The following GLTP variants were observed in gnomAD, a reference collection of about 807,000 sequenced individuals.
The protein encoded by GLTP is glycolipid transfer protein.
Under a neutral mutation model 24.0 loss-of-function variants are expected in GLTP, and 22 were observed. That is an observed-to-expected ratio of 0.92 (90% CI 0.65 to 1.31). The LOEUF is 1.31. Among genes scored for constraint, GLTP ranks in the 50% most tolerant of loss-of-function variants. The pLI, the probability that GLTP is intolerant of heterozygous loss-of-function variation, is 0.00. For synonymous variants in GLTP, 92 were observed against 115.9 expected, an observed-to-expected ratio of 0.79 and a Z score of 1.33; for missense variants, 224 against 276.6, an observed-to-expected ratio of 0.81 and a Z score of 1.35.
intron 1 of GLTP, among the ~76,000 whole-genome samples, chr12:109,859,596 C>CA (rs754345142): frequency 9.1e-6 from 1 of 109,596 alleles, no homozygotes; most frequent in Middle Eastern, 4.6e-3. Context: ...CTGTTTTTAA[C>CA]AAAAAAGATT....
chr12:109,874,851 C>T (rs945014640), intron 1 of GLTP, among the ~76,000 whole-genome samples: 2 of 152,180 alleles, frequency 1.3e-5, no homozygotes, highest in Non-Finnish European at 2.9e-5. Flanking sequence ...CCTCCGCCTC[C>T]CAGGTTCAAG....
At chr12:109,866,930 T>G (rs1267537262) in intron 1 of GLTP, among the ~76,000 whole-genome samples, 4 of 148,098 alleles carry the variant, frequency 2.7e-5, no homozygotes, top group Non-Finnish European at 6.0e-5. Context: ...GGGCTAATTT[T>G]TTTTTTTTTT....
intron 1 of GLTP, among the ~76,000 whole-genome samples, chr12:109,863,353 G>A (rs975539753): frequency 2.0e-5 from 3 of 152,100 alleles, no homozygotes; most frequent in African/African-American, 4.8e-5. Flanking sequence ...AGTCACATGT[G>A]TTACACCTTT....
At chr12:109,876,139 T>A (rs1036947343) in intron 1 of GLTP, among the ~76,000 whole-genome samples, 2 of 152,070 alleles carry the variant, frequency 1.3e-5, no homozygotes, top group African/African-American at 4.8e-5. Context: ...GGTCAGGAGT[T>A]CAAGAACAGC....
chr12:109,862,318 T>C (rs1374915141), intron 1 of GLTP, among the ~76,000 whole-genome samples: 2 of 151,922 alleles, frequency 1.3e-5, no homozygotes. Context: ...GGGGAGGTCA[T>C]GCCACTTGTT....
In GLTP at chr12:109,855,683, G is replaced by A. The variant is rs766098534; in HGVS notation, c.383C>T (p.Ala128Val). Residue 128 changes from alanine (A) to valine (V), a missense_variant, in exon 4 of 5, where the codon GCC (alanine) becomes GTC (valine). Transcript: ENST00000318348. The surrounding 1 kb of genome is among the most constrained non-coding windows in gnomAD (Gnocchi z 4.1). The part of the protein sequence containing the change: ...ENHPNLIRVN[A>V]TKAYEMALKK... Reference sequence around the variant, plus strand: ...GAGGGCCATCTCGTAGGCCTTGGTGGCGTTGACACGGATGAGGTTGGGGTG... The same window carrying A: ...GAGGGCCATCTCGTAGGCCTTGGTGACGTTGACACGGATGAGGTTGGGGTG... The A allele has an allele frequency of 3.0e-5, 48 of 1,607,698 alleles. 1 individual carries two copies. Among genetic ancestry groups the A allele is most frequent in the Non-Finnish European group, 5.9e-6 (7 of 1,177,248 alleles).
chr12:109,851,849 T>G lies in GLTP; in HGVS notation c.*706A>C, dbSNP rs1892727033. On this transcript the variant is annotated 3_prime_UTR_variant, in exon 5 of 5. Coordinates refer to ENST00000318348, the MANE Select transcript of GLTP (RefSeq NM_016433.4). ...CCTGACCTCAAGTAATCCACCCACC[T>G]CTTTTTTTTTTTTTTGAGACAGAGT... 1 of 67,152 alleles carries G rather than the reference T, an allele frequency of 1.5e-5. No homozygotes were observed. Among genetic ancestry groups the G allele is most frequent in the African/African-American group, 1.3e-4 (1 of 7,664 alleles). The allele number at this position is 67,152 out of a possible 1,614,324, so 4.2% of individuals were successfully genotyped here. A position where few individuals can be genotyped will look rare whatever the true frequency, so the allele number is the denominator to read the frequency against.
At chr12:109,872,648 A>G (rs1200211347) in intron 1 of GLTP, among the ~76,000 whole-genome samples, 1 of 152,226 alleles carries the variant, frequency 6.6e-6, no homozygotes, top group African/African-American at 2.4e-5. Flanking sequence ...TGAAGGCTAA[A>G]AAAGCCTCAC....
chr12:109,858,621 C>A, intron 2 of GLTP, 62 bp downstream of exon 2: 1 of 1,215,344 alleles, frequency 8.2e-7, no homozygotes, highest in Non-Finnish European at 1.2e-6. Context: ...ATGCTGGTAA[C>A]CCAGGTGGGC....
intron 1 of GLTP, among the ~76,000 whole-genome samples, chr12:109,869,303 C>CAAAAAAAAAAAAAAAA: frequency 2.0e-5 from 1 of 49,030 alleles, no homozygotes; most frequent in Non-Finnish European, 3.5e-5. Flanking sequence ...GGCTCTACCT[C>CAAAAAAAAAAAAAAAA]AAAAAAAAAA....
intron 4 of GLTP, among the ~76,000 whole-genome samples, chr12:109,854,536 G>A (rs1892771750): frequency 6.6e-6 from 1 of 152,130 alleles, no homozygotes; most frequent in Admixed American, 6.6e-5. Flanking sequence ...AGGGAGGTAG[G>A]ATCACAGCCC....
At chr12:109,858,971 C>A (rs1177954338) in intron 1 of GLTP, among the ~76,000 whole-genome samples, 1 of 152,196 alleles carries the variant, frequency 6.6e-6, no homozygotes, top group Non-Finnish European at 1.5e-5. Context: ...ACCACAGAGG[C>A]ATGATGAAGA....
At chr12:109,864,142 C>A (rs992097651) in intron 1 of GLTP, among the ~76,000 whole-genome samples, 1 of 152,100 alleles carries the variant, frequency 6.6e-6, no homozygotes, top group Non-Finnish European at 1.5e-5. Flanking sequence ...GAATGTGGGG[C>A]CTCAAATGCA....
intron 1 of GLTP, among the ~76,000 whole-genome samples, chr12:109,878,065 T>C (rs1868941352): frequency 6.6e-6 from 1 of 152,152 alleles, no homozygotes; most frequent in Non-Finnish European, 1.5e-5. Flanking sequence ...TGTCAACAGA[T>C]GTGACACCCC....
In GLTP at chr12:109,877,751, C is replaced by T. The variant is rs192055279; in HGVS notation, c.103+2521G>A. 5.3e-5 allele frequency among the ~76,000 whole-genome samples: 8 copies of T among 152,174 alleles called. 1 individual carries two copies. Among genetic ancestry groups the T allele is most frequent in the Admixed American group, 4.6e-4 (7 of 15,282 alleles). On this transcript the variant is annotated intron_variant, in intron 1 of 4. Coordinates refer to ENST00000318348, the MANE Select transcript of GLTP (RefSeq NM_016433.4). ...CACCCAGATCATCCCGGTGACCAGA[C>T]GCTCCCAAGATCTAGAAAAAGCCCC...
intron 1 of GLTP, among the ~76,000 whole-genome samples, chr12:109,873,012 T>C (rs1321948764): frequency 6.6e-6 from 1 of 152,178 alleles, no homozygotes; most frequent in Non-Finnish European, 1.5e-5. Context: ...ATTATGAGAT[T>C]TGAGTTTTGT....
At position 109,855,513 on chromosome 12, in the gene GLTP, G is replaced by A. The variant is rs1892782372; in HGVS notation, c.447+106C>T. On this transcript the variant is annotated intron_variant, in intron 4 of 4. Transcript: ENST00000318348. The surrounding 1 kb of genome is among the most constrained non-coding windows in gnomAD (Gnocchi z 4.1). The stretch of plus-strand genomic sequence containing the variant: ...GAGGGAGCCCTTCCTGAGCCCGAGG[G>A]GGTAAACACAGCCTCACAGGCCAGG... 3.0e-6 allele frequency: 3 copies of A among 1,005,670 alleles called. No individual in the cohort carries two copies. The highest frequency in any genetic ancestry group is 4.3e-6 in the Non-Finnish European group (3 of 692,962). 62.3% of individuals were successfully genotyped at this position (1,005,670 alleles called of 1,614,324 possible). A position where few individuals can be genotyped will look rare whatever the true frequency, so the allele number is the denominator to read the frequency against.
intron 1 of GLTP, among the ~76,000 whole-genome samples, chr12:109,865,954 GA>G (rs142547983): frequency 2.5e-3 from 385 of 152,256 alleles, no homozygotes; most frequent in African/African-American, 9.0e-3. Flanking sequence ...ATAAAAAACA[GA>G]AACCTCCTAT....
intron 1 of GLTP, among the ~76,000 whole-genome samples, chr12:109,876,896 A>T (rs1489199070): frequency 6.6e-6 from 1 of 152,190 alleles, no homozygotes; most frequent in African/African-American, 2.4e-5. Flanking sequence ...TGTGTCACCC[A>T]AACTGGAGTA....
Sources: allele counts gnomAD v4.1 joint callset (sites outside exome capture counted in the v4.1 genomes callset), GRCh38; gene constraint gnomAD v4.1.1; non-coding constraint Gnocchi (gnomAD v3.1); transcripts MANE v1.5; gene names NCBI Gene and HGNC (gene_info 2026-07-23, HGNC 2026-07-21).